EDC3: variants seen among roughly 807,000 people sequenced by gnomAD.
EDC3 encodes the protein enhancer of mRNA-decapping protein 3.
Under a neutral mutation model 41.8 loss-of-function variants are expected in EDC3, and 20 were observed. The ratio of observed to expected loss-of-function variants is 0.48; its 90% CI spans 0.34 to 0.70. The LOEUF is 0.70. Ranked by LOEUF, EDC3 falls within the 30% of genes least tolerant of loss-of-function variation. The pLI is 0.01. For synonymous variants in EDC3, 206 were observed against 243.2 expected, an observed-to-expected ratio of 0.85 and a Z score of 1.42; for missense variants, 444 against 636.8, an observed-to-expected ratio of 0.70 and a Z score of 3.26.
chr15:74,672,793 C>T (rs1202751298), intron 2 of EDC3, among the ~76,000 whole-genome samples: 1 of 150,130 alleles, frequency 6.7e-6, no homozygotes, highest in East Asian at 1.9e-4. Flanking sequence ...CCAGCCTGGG[C>T]AACAAAGTGA....
chr15:74,688,394 C>A, intron 1 of EDC3, among the ~76,000 whole-genome samples: 1 of 152,182 alleles, frequency 6.6e-6, no homozygotes, highest in South Asian at 2.1e-4. Flanking sequence ...TTTAAGTGTA[C>A]ACCTCCCTGA....
intron 4 of EDC3, among the ~76,000 whole-genome samples, chr15:74,649,520 G>A (rs542868906): frequency 2.8e-4 from 43 of 152,242 alleles, no homozygotes; most frequent in African/African-American, 1.0e-3. Context: ...AACAGTGTCT[G>A]GCACATAGTA....
chr15:74,693,709 C>T (rs540821543), intron 1 of EDC3, among the ~76,000 whole-genome samples: 2 of 152,240 alleles, frequency 1.3e-5, no homozygotes, highest in African/African-American at 2.4e-5. Flanking sequence ...TAAGACCAGG[C>T]GCGGTGGCTC....
chr15:74,650,173 T>C (rs1196852596), intron 4 of EDC3, among the ~76,000 whole-genome samples: 2 of 152,214 alleles, frequency 1.3e-5, no homozygotes, highest in Non-Finnish European at 2.9e-5. Flanking sequence ...AAGACCAGTC[T>C]TCCTAAAAGA....
At chr15:74,669,649 T>A (rs1413993309) in intron 3 of EDC3, among the ~76,000 whole-genome samples, 1 of 152,112 alleles carries the variant, frequency 6.6e-6, no homozygotes, top group Non-Finnish European at 1.5e-5. Flanking sequence ...ACTAAAACCT[T>A]ACTACATTGC....
At chr15:74,681,093 C>G (rs2062865501) in intron 1 of EDC3, among the ~76,000 whole-genome samples, 1 of 152,196 alleles carries the variant, frequency 6.6e-6, no homozygotes, top group South Asian at 2.1e-4. Flanking sequence ...CCAGCAAGAT[C>G]TGTAGATATA....
In EDC3 at chr15:74,691,826, T is replaced by C. The variant is rs190999111; in HGVS notation, c.-19+4054A>G. 2.2e-3 allele frequency among the ~76,000 whole-genome samples: 339 copies of C among 152,234 alleles called. 2 individuals are homozygous for C. The highest frequency in any genetic ancestry group is 7.9e-3 in the African/African-American group (328 of 41,550). On this transcript the variant is annotated intron_variant, in intron 1 of 6. Coordinates refer to ENST00000315127, the MANE Select transcript of EDC3 (RefSeq NM_025083.5). ...TCTACGGCTATTTTCTGGGTTTTTTTGGGTTTTTTTGAGACAGTCTTGCTC... is the reference window on the plus strand; with the variant it reads ...TCTACGGCTATTTTCTGGGTTTTTTCGGGTTTTTTTGAGACAGTCTTGCTC...
chr15:74,689,637 G>A (rs192339580), intron 1 of EDC3, among the ~76,000 whole-genome samples: 3,718 of 151,998 alleles, frequency 0.024, 147 homozygotes, highest in African/African-American at 0.086. Context: ...CCATCCTCCC[G>A]CCTCAGCCTC....
chr15:74,641,382 G>T (rs1253536203), intron 4 of EDC3: 1 of 152,490 alleles, frequency 6.6e-6, no homozygotes, highest in African/African-American at 2.4e-5. Flanking sequence ...AAAATACTTG[G>T]TTTTTCAAGG....
intron 3 of EDC3, among the ~76,000 whole-genome samples, chr15:74,663,698 C>CAA (rs1286912414): frequency 1.6e-4 from 11 of 66,908 alleles, no homozygotes; most frequent in Admixed American, 7.8e-4. Flanking sequence ...TGTTCAGTTT[C>CAA]AAAAAAAAAA....
At chr15:74,667,351 G>A (rs1029932586) in intron 3 of EDC3, among the ~76,000 whole-genome samples, 5 of 151,330 alleles carry the variant, frequency 3.3e-5, no homozygotes, top group African/African-American at 1.2e-4. Context: ...CTGCAGAGAA[G>A]TATACACATT....
chr15:74,677,168 T>G (rs1284644571), intron 1 of EDC3: 1 of 151,622 alleles, frequency 6.6e-6, no homozygotes. Flanking sequence ...GTTCAAGCAA[T>G]TCTCCTGCCT....
Position 74,632,908 on chromosome 15 carries a change from G to A in EDC3, c.1231C>T (p.Leu411=). ...AGGAAGACGTTCTCAGGGCAATCCA[G>A]GCAGTTGATGACCAGGTCCACAGGG... ...TSPVDLVINC[L]DCPENVFLRD... The change falls in exon 7 of 7, where the codon CTG becomes TTG. Residue 411 remains leucine (L), a synonymous_variant. Coordinates refer to ENST00000315127, the MANE Select transcript of EDC3 (RefSeq NM_025083.5). The surrounding 1 kb of genome is among the most constrained non-coding windows in gnomAD (Gnocchi z 4.0). 6.2e-7 allele frequency: 1 copy of A among 1,614,228 alleles called. No homozygotes were observed. The highest frequency in any genetic ancestry group is 1.3e-5 in the African/African-American group (1 of 75,070).
chr15:74,665,883 C>T (rs1318129811), intron 3 of EDC3, among the ~76,000 whole-genome samples: 1 of 151,304 alleles, frequency 6.6e-6, no homozygotes, highest in Non-Finnish European at 1.5e-5. Context: ...CTGCAACCTC[C>T]GACTCCCAGG....
chr15:74,690,023 A>G (rs1468505292), intron 1 of EDC3, among the ~76,000 whole-genome samples: 1 of 152,254 alleles, frequency 6.6e-6, no homozygotes, highest in Non-Finnish European at 1.5e-5. Flanking sequence ...TGTAAAGCCT[A>G]TTCATGACAA....
At chr15:74,694,082 C>G (rs1004746054) in intron 1 of EDC3, among the ~76,000 whole-genome samples, 2 of 152,160 alleles carry the variant, frequency 1.3e-5, no homozygotes, top group Admixed American at 1.3e-4. Context: ...TTTGGATGTC[C>G]TGTCCTGTTG....
At chr15:74,648,940 T>A (rs944821288) in intron 4 of EDC3, among the ~76,000 whole-genome samples, 2 of 152,172 alleles carry the variant, frequency 1.3e-5, no homozygotes, top group Non-Finnish European at 2.9e-5. Context: ...TTTTTAAACG[T>A]TGAGATAGGA....
In EDC3 at chr15:74,632,879, G is replaced by T. The variant is rs773607334; in HGVS notation, c.1260C>A (p.Arg420=). The T allele has an allele frequency of 6.2e-7, 1 of 1,614,126 alleles. No homozygotes were observed. Among genetic ancestry groups the T allele is most frequent in the Non-Finnish European group, 8.5e-7 (1 of 1,180,042 alleles). ...CLDCPENVFL[R]DQPWYKAAVA... is the part of the protein sequence containing the mutation. ...CAGCTGCCTTGTACCAGGGTTGATC[G>T]CGCAGGAAGACGTTCTCAGGGCAAT... The change falls in exon 7 of 7, where the codon CGC becomes CGA. Residue 420 remains arginine (R), a synonymous_variant. Transcript: ENST00000315127. This position sits in a 1 kb window ranked among gnomAD's most constrained non-coding sequence, Gnocchi z 4.0.
Position 74,640,567 on chromosome 15 carries a change from C to A in EDC3, c.873G>T (p.Leu291Phe). 1 of 1,614,204 alleles carries A rather than the reference C, an allele frequency of 6.2e-7. No homozygotes were observed. Among genetic ancestry groups the A allele is most frequent in the Non-Finnish European group, 8.5e-7 (1 of 1,180,038 alleles). Residue 291 changes from leucine to phenylalanine, a missense_variant, in exon 5 of 7, where the codon TTG (leucine) becomes TTT (phenylalanine). Leu to Phe is a conservative substitution (Grantham distance 22). Around this residue, in one of 3 missense-constraint regions of EDC3, gnomAD observed 242 missense variants for 363.8 expected, o/e 0.67. Coordinates refer to ENST00000315127, the MANE Select transcript of EDC3 (RefSeq NM_025083.5). ...TCAGCCCATGCTTCTCAGCCACGGA[C>A]AACAGCTTTTTATGCAGCTCATAGG... Reference protein sequence around the residue: ...SISYELHKKLLSVAEKHGLTL... With the variant: ...SISYELHKKLFSVAEKHGLTL...
Sources: allele counts gnomAD v4.1 joint callset (sites outside exome capture counted in the v4.1 genomes callset), GRCh38; gene constraint gnomAD v4.1.1; regional missense constraint gnomAD v4.1.1; non-coding constraint Gnocchi (gnomAD v3.1); transcripts MANE v1.5; gene names NCBI Gene and HGNC (gene_info 2026-07-23, HGNC 2026-07-21).